Variants in ADAMTSL2 observed in about 807,000 individuals in gnomAD.
ADAMTSL2 encodes the protein ADAMTS-like protein 2.
Under a neutral mutation model 117.0 loss-of-function variants are expected in ADAMTSL2, and 55 were observed. The observed-to-expected ratio is 0.47, with a 90% CI of 0.38 to 0.59. The LOEUF (loss-of-function observed/expected upper bound fraction) is 0.59, where lower values mean the gene tolerates loss of function less well. ADAMTSL2 is among the 20% of genes least tolerant of loss of function. The probability of loss-of-function intolerance (pLI) is 0.00; values close to 1 mark genes in which losing one functional copy is unlikely to be tolerated. For missense variants in ADAMTSL2, 1,182 were observed against 1,354.5 expected (o/e 0.87, Z 2.00); for synonymous variants, 572 against 566.4 (o/e 1.01, Z -0.14).
Position 133,547,226 on chromosome 9 carries a change from C to A in ADAMTSL2, c.939+13C>A, listed in dbSNP as rs1233918903. 2.5e-6 allele frequency: 4 copies of A among 1,609,778 alleles called. No individual in the cohort carries two copies. The highest frequency in any genetic ancestry group is 3.4e-6 in the Non-Finnish European group (4 of 1,177,282). ...CCTGAATGTCATGGTACGTGTGCCG[C>A]AGGCCTTGGGGGCCCCAGGGGCCCT... On this transcript the variant is annotated intron_variant, in intron 9 of 18. Transcript: ENST00000651351.
chr9:133,563,155 A>G (rs1420953614), intron 12 of ADAMTSL2, among the ~76,000 whole-genome samples: 1 of 152,266 alleles, frequency 6.6e-6, no homozygotes, highest in East Asian at 1.9e-4. Flanking sequence ...GGGGATCCAC[A>G]TGAAACAAGG....
rs370855816 is a variant in ADAMTSL2 at position 133,556,809 on chromosome 9, A to C, written c.1649+879A>C. Among the ~76,000 whole-genome samples the C allele has an allele frequency of 1.6e-4, 24 of 152,302 alleles. No individual in the cohort carries two copies. The East Asian group carries it at 4.2e-3, about 27-fold the overall frequency. On this transcript the variant is annotated intron_variant, in intron 11 of 18. Coordinates refer to ENST00000651351, the MANE Select transcript of ADAMTSL2 (RefSeq NM_014694.4). ...CCTGTGTCAGGGGCCAGCTGTGAGC[A>C]GGGTGACCCCAGACCTGTCGTGTCC...
At chr9:133,545,249 C>G (rs117882621) in intron 8 of ADAMTSL2, among the ~76,000 whole-genome samples, 10,050 of 152,242 alleles carry the variant, frequency 0.066, 386 homozygotes, top group Middle Eastern at 0.099. Context: ...GCTCTGTGCT[C>G]GGCCCTTCCC....
At chr9:133,543,784 C>T (rs1352751333) in intron 7 of ADAMTSL2, among the ~76,000 whole-genome samples, 2 of 152,264 alleles carry the variant, frequency 1.3e-5, no homozygotes, top group African/African-American at 2.4e-5. Flanking sequence ...CCCCAGGCTC[C>T]TCTCTCAGCC....
At chr9:133,553,548 G>C (rs1373868863) in intron 9 of ADAMTSL2, among the ~76,000 whole-genome samples, 2 of 152,072 alleles carry the variant, frequency 1.3e-5, no homozygotes, top group Admixed American at 1.3e-4. Flanking sequence ...ATTTCCTTTC[G>C]CTGGCATTCT....
intron 9 of ADAMTSL2, among the ~76,000 whole-genome samples, chr9:133,551,960 G>A (rs1830496483): frequency 6.6e-6 from 1 of 151,930 alleles, no homozygotes; most frequent in Non-Finnish European, 1.5e-5. Flanking sequence ...CTCCAGAGTA[G>A]CTGGGATTAC....
At chr9:133,560,442 C>G (rs1362386563) in intron 11 of ADAMTSL2, among the ~76,000 whole-genome samples, 4 of 152,238 alleles carry the variant, frequency 2.6e-5, no homozygotes, top group African/African-American at 9.6e-5. Context: ...TCCCTCCTCC[C>G]CTGCCGAGTC....
At chr9:133,555,490 T>TCCCCAGGGCAGCCCTTGC (rs1830584107) in intron 10 of ADAMTSL2, 68 bp from the exon 11 acceptor site, 4 of 1,602,552 alleles carry the variant, frequency 2.5e-6, no homozygotes, top group African/African-American at 1.3e-5. Flanking sequence ...CCAGGTCCCC[T>TCCCCAGGGCAGCCCTTGC]CCCCAGGGCA....
In ADAMTSL2 at chr9:133,555,913, C is replaced by A; in HGVS notation, c.1632C>A (p.Asn544Lys). The change falls in exon 11 of 19, where the codon AAC (asparagine) becomes AAA (lysine). Residue 544 changes from asparagine to lysine, a missense_variant. Physicochemically the swap from Asn to Lys is moderately conservative, Grantham distance 94. Transcript: ENST00000651351. ...CCAGCCTGCTCACCTCGGCCGGGAA[C>A]AGGACTCACAAGGCCAGGTAGGAGG... ...VSTSLLTSAGNRTHKARTRPK... is the reference protein window; with the variant it reads ...VSTSLLTSAGKRTHKARTRPK... 1 of 1,612,250 alleles carries A rather than the reference C, an allele frequency of 6.2e-7. No individual in the cohort carries two copies. The highest frequency in any genetic ancestry group is 8.5e-7 in the Non-Finnish European group (1 of 1,179,904).
At chr9:133,539,300 T>A (rs1261327553) in intron 4 of ADAMTSL2, among the ~76,000 whole-genome samples, 1 of 152,168 alleles carries the variant, frequency 6.6e-6, no homozygotes, top group Non-Finnish European at 1.5e-5. Context: ...ATGAGTCTCT[T>A]GTCTGCACGC....
rs1021273126 is a variant in ADAMTSL2 at position 133,534,813 on chromosome 9, C to A, written c.-255C>A. 11 of 1,492,726 alleles carry A rather than the reference C, an allele frequency of 7.4e-6. No homozygotes were observed. Among genetic ancestry groups the A allele is most frequent in the Admixed American group, 2.2e-5 (1 of 44,710 alleles). The allele number at this position is 1,492,726 out of a possible 1,614,324, so 92.5% of individuals were successfully genotyped here. A position where few individuals can be genotyped will look rare whatever the true frequency, so the allele number is the denominator to read the frequency against. The stretch of plus-strand genomic sequence containing the variant: ...GGGGAGAGGGAGGCCGGGCCGCAGC[C>A]TCTGCACTCACGCCGCCCCCGCACG... On this transcript the variant is annotated 5_prime_UTR_variant, in exon 1 of 19. Transcript: ENST00000651351.
In ADAMTSL2 at chr9:133,559,604, G is replaced by A. The variant is rs917632969; in HGVS notation, c.1650-1594G>A. ...CCTGACCTCGTGATCCACCCGCCTCGGCCTCCCAAAGTGCTGGGATTACAG... is the reference window on the plus strand; with the variant it reads ...CCTGACCTCGTGATCCACCCGCCTCAGCCTCCCAAAGTGCTGGGATTACAG... On this transcript the variant is annotated intron_variant, in intron 11 of 18. Transcript: ENST00000651351. Among the ~76,000 whole-genome samples the A allele has an allele frequency of 6.7e-5, 10 of 149,850 alleles. No individual in the cohort carries two copies. The East Asian group carries it at 7.9e-4, about 12-fold the overall frequency.
At chr9:133,538,161 A>G (rs1246598485) in intron 3 of ADAMTSL2, among the ~76,000 whole-genome samples, 188 bp from the exon 4 acceptor site, 1 of 152,234 alleles carries the variant, frequency 6.6e-6, no homozygotes, top group Non-Finnish European at 1.5e-5. Flanking sequence ...GCTGATGTAG[A>G]AGTGAATCAA....
intron 11 of ADAMTSL2, among the ~76,000 whole-genome samples, chr9:133,556,509 A>G (rs1830608285): frequency 6.6e-6 from 1 of 152,142 alleles, no homozygotes; most frequent in African/African-American, 2.4e-5. Flanking sequence ...AGGGCTGGAG[A>G]GGATCTAGTG....
chr9:133,541,740 C>A (rs1830229511), intron 7 of ADAMTSL2, among the ~76,000 whole-genome samples: 1 of 152,232 alleles, frequency 6.6e-6, no homozygotes. Flanking sequence ...CCCTCCTTCC[C>A]TTGGGCAGCA....
At chr9:133,556,009 C>T in intron 11 of ADAMTSL2, 79 bp downstream of exon 11, 1 of 1,554,226 alleles carries the variant, frequency 6.4e-7, no homozygotes, top group South Asian at 1.2e-5. Flanking sequence ...AAGTGAGGCC[C>T]CACTGGGGGG....
upstream of ADAMTSL2, among the ~76,000 whole-genome samples, chr9:133,533,163 C>CTGTGTGTGTGTG (rs71378583): frequency 1.2e-4 from 18 of 148,060 alleles, no homozygotes; most frequent in East Asian, 7.9e-4. Flanking sequence ...GTGTGTGTGC[C>CTGTGTGTGTGTG]TGTGTGTGTG....
At chr9:133,572,755 C>T (rs977691560) in intron 17 of ADAMTSL2, among the ~76,000 whole-genome samples, 189 of 152,250 alleles carry the variant, frequency 1.2e-3, no homozygotes, top group African/African-American at 3.9e-3. Context: ...GGCTGGTGGG[C>T]GCGTGGACTC....
At position 133,554,729 on chromosome 9, in the gene ADAMTSL2, G is replaced by A. The variant is rs371468300; in HGVS notation, c.1276+36G>A. On this transcript the variant is annotated intron_variant, in intron 10 of 18. Coordinates refer to ENST00000651351, the MANE Select transcript of ADAMTSL2 (RefSeq NM_014694.4). The surrounding 1 kb of genome is among the most constrained non-coding windows in gnomAD (Gnocchi z 5.2). The stretch of plus-strand genomic sequence containing the variant: ...GGAGGGAGGCATGAGGGTGGGGCCC[G>A]GGAGGCAGCCCAGGGAAGGGGGCCT... 2.9e-5 allele frequency: 42 copies of A among 1,450,272 alleles called. No individual in the cohort carries two copies. The highest frequency in any genetic ancestry group is 1.7e-4 in the East Asian group (7 of 40,062). The allele number at this position is 1,450,272 out of a possible 1,614,324, so 89.8% of individuals were successfully genotyped here. A position where few individuals can be genotyped will look rare whatever the true frequency, so the allele number is the denominator to read the frequency against.
Sources: allele counts gnomAD v4.1 joint callset (sites outside exome capture counted in the v4.1 genomes callset), GRCh38; gene constraint gnomAD v4.1.1; non-coding constraint Gnocchi (gnomAD v3.1); transcripts MANE v1.5; gene names NCBI Gene and HGNC (gene_info 2026-07-23, HGNC 2026-07-21).